Variants in PPP2CB observed in about 807,000 individuals in gnomAD.
PPP2CB encodes the protein serine/threonine-protein phosphatase 2A catalytic subunit beta isoform.
PPP2CB carries 18 observed loss-of-function variants against 39.1 expected under a neutral mutation model. The observed-to-expected ratio is 0.46, with a 90% CI of 0.32 to 0.68. PPP2CB has a LOEUF of 0.68. PPP2CB is among the 30% of genes least tolerant of loss of function. The pLI, the probability that PPP2CB is intolerant of heterozygous loss-of-function variation, is 0.04. For missense variants in PPP2CB, 226 were observed against 396.9 expected (o/e 0.57, Z 3.66); for synonymous variants, 129 against 133.8 (o/e 0.96, Z 0.25).
chr8:30,794,526 T>A (rs1806488280), intron 3 of PPP2CB: 1 of 417,928 alleles, frequency 2.4e-6, no homozygotes, highest in African/African-American at 2.1e-5. Flanking sequence ...GTCAATGGTA[T>A]CCCCATCCTT....
chr8:30,808,981 G>C (rs917663051), intron 1 of PPP2CB, among the ~76,000 whole-genome samples: 1 of 144,568 alleles, frequency 6.9e-6, no homozygotes, highest in African/African-American at 2.6e-5. Flanking sequence ...CTGGAGTGCA[G>C]CGGTATGATC....
chr8:30,811,477 A>G (rs1175282899), intron 1 of PPP2CB, among the ~76,000 whole-genome samples: 1 of 151,662 alleles, frequency 6.6e-6, no homozygotes, highest in African/African-American at 2.4e-5. Context: ...CTCCGCAAAC[A>G]AACGCTTGGC....
Position 30,788,079 on chromosome 8 carries a change from A to G in PPP2CB, c.858-1772T>C, listed in dbSNP as rs377100407. On this transcript the variant is annotated intron_variant, in intron 6 of 6. Transcript: ENST00000221138. The stretch of plus-strand genomic sequence containing the variant: ...TACTCCTTTTTTTCTTGGCCAGTCT[A>G]GTTAAGGCTTTTCAAAGCATCAACT... 1.3e-4 allele frequency among the ~76,000 whole-genome samples: 20 copies of G among 152,068 alleles called. No homozygotes were observed. The South Asian group carries it at 3.9e-3, about 30-fold the overall frequency.
rs1220508845 is a variant in PPP2CB at position 30,798,801 on chromosome 8, A to G, written c.312+745T>C. ...AGAATAAGTTTCCTCATAGTAATTTAGAGCAGAAGGAATAAGGCTAAAATG... is the reference window on the plus strand; with the variant it reads ...AGAATAAGTTTCCTCATAGTAATTTGGAGCAGAAGGAATAAGGCTAAAATG... On this transcript the variant is annotated intron_variant, in intron 2 of 6. Coordinates refer to ENST00000221138, the MANE Select transcript of PPP2CB (RefSeq NM_001009552.2). 2.0e-5 allele frequency among the ~76,000 whole-genome samples: 3 copies of G among 152,264 alleles called. No individual in the cohort carries two copies. In the East Asian group the frequency reaches 5.8e-4, roughly 29 times the overall value.
chr8:30,787,566 T>C (rs1030086136), intron 6 of PPP2CB, among the ~76,000 whole-genome samples: 6 of 152,186 alleles, frequency 3.9e-5, no homozygotes, highest in East Asian at 1.9e-4. Flanking sequence ...TCTTGAATCC[T>C]GGGCTCAATC....
At position 30,791,178 on chromosome 8, in the gene PPP2CB, A is replaced by C; in HGVS notation, c.857+19T>G. 1 of 1,500,244 alleles carries C rather than the reference A, an allele frequency of 6.7e-7. No homozygotes were observed. The highest frequency in any genetic ancestry group is 9.1e-7 in the Non-Finnish European group (1 of 1,094,478). The allele number at this position is 1,500,244 out of a possible 1,614,324, so 92.9% of individuals were successfully genotyped here. On this transcript the variant is annotated intron_variant, in intron 6 of 6. Coordinates refer to ENST00000221138, the MANE Select transcript of PPP2CB (RefSeq NM_001009552.2). The stretch of plus-strand genomic sequence containing the variant: ...TTTCCTTCTGAAAGTATATACAATT[A>C]AAATTTACAGTTACTCACAAGGAAT...
At chr8:30,806,124 T>G (rs1806721128) in intron 1 of PPP2CB, among the ~76,000 whole-genome samples, 1 of 150,972 alleles carries the variant, frequency 6.6e-6, no homozygotes, top group Non-Finnish European at 1.5e-5. Flanking sequence ...CTCGGCTCAC[T>G]GCAAGCTCTG....
At chr8:30,795,522 AT>A (rs1005500063) in intron 3 of PPP2CB, among the ~76,000 whole-genome samples, 4 of 151,862 alleles carry the variant, frequency 2.6e-5, no homozygotes, top group Non-Finnish European at 4.4e-5. Context: ...AAATATAGGA[AT>A]TTTTTTTCCA....
chr8:30,803,856 G>A (rs149622507), intron 1 of PPP2CB, among the ~76,000 whole-genome samples: 2,028 of 149,544 alleles, frequency 0.014, 44 homozygotes, highest in African/African-American at 0.048. Context: ...CTGCTCTGTC[G>A]TCCAGGCTGG....
intron 1 of PPP2CB, among the ~76,000 whole-genome samples, chr8:30,800,684 T>G (rs1405687103): frequency 6.6e-6 from 1 of 152,168 alleles, no homozygotes; most frequent in Non-Finnish European, 1.5e-5. Context: ...TTTAAAAGCC[T>G]CTGAAGTAAC....
At chr8:30,791,523 G>A in intron 5 of PPP2CB, 2 of 399,500 alleles carry the variant, frequency 5.0e-6, no homozygotes, top group Non-Finnish European at 8.8e-6. Flanking sequence ...GTTAAATGCA[G>A]CTCGCTAATT....
intron 4 of PPP2CB, 46 bp downstream of exon 4, chr8:30,794,146 G>A: frequency 6.2e-7 from 1 of 1,606,818 alleles, no homozygotes; most frequent in South Asian, 1.1e-5. Flanking sequence ...TCAAAATGTG[G>A]TTATATTTTC....
chr8:30,797,656 A>G lies in PPP2CB; in HGVS notation c.411T>C (p.Tyr137=), dbSNP rs1226613560. 2.5e-6 allele frequency: 4 copies of G among 1,613,812 alleles called. No homozygotes were observed. Among genetic ancestry groups the G allele is most frequent in the Non-Finnish European group, 2.5e-6 (3 of 1,179,848 alleles). ...YGFYDECLRK[Y]GNANVWKYFT... is the part of the protein sequence containing the mutation. The stretch of plus-strand genomic sequence containing the variant: ...AATATTTCCAAACGTTGGCATTCCC[A>G]TACTTTCGCAGACATTCATCATAAA... Residue 137 remains tyrosine, a synonymous_variant, in exon 3 of 7, where the codon TAT becomes TAC. Transcript: ENST00000221138.
At chr8:30,786,571 A>G (rs968455648) in intron 6 of PPP2CB, 9 of 222,186 alleles carry the variant, frequency 4.1e-5, no homozygotes, top group Non-Finnish European at 7.7e-5. Context: ...ATTATTATTT[A>G]AAAGCTTAAA....
At chr8:30,801,113 G>A (rs1012146327) in intron 1 of PPP2CB, among the ~76,000 whole-genome samples, 1 of 151,422 alleles carries the variant, frequency 6.6e-6, no homozygotes, top group African/African-American at 2.4e-5. Context: ...GGAGGGTGGG[G>A]TGGGGTGGGA....
At chr8:30,804,766 T>C (rs574354903) in intron 1 of PPP2CB, among the ~76,000 whole-genome samples, 30 of 152,338 alleles carry the variant, frequency 2.0e-4, no homozygotes, top group Admixed American at 9.8e-4. Context: ...ACTAAACTTT[T>C]GAAGATGGTG....
chr8:30,808,920 GC>G (rs1806771275), intron 1 of PPP2CB, among the ~76,000 whole-genome samples: 13 of 139,596 alleles, frequency 9.3e-5, no homozygotes, highest in Admixed American at 6.7e-4. Flanking sequence ...ACTTTACATG[GC>G]CTTTTTTTTT....
At chr8:30,805,470 G>A (rs1013050307) in intron 1 of PPP2CB, among the ~76,000 whole-genome samples, 1 of 152,118 alleles carries the variant, frequency 6.6e-6, no homozygotes, top group Admixed American at 6.6e-5. Flanking sequence ...TGGGGCAGGT[G>A]AATGGCATGA....
rs893547625 is a variant in PPP2CB at position 30,795,119 on chromosome 8, ATTTT to A, written c.487-842_487-839del. Reference sequence around the variant, plus strand: ...AACAAGCATTTTCTTTCTGATTTTGATTTTTTTTTTTTTTTTTTTTGAGACGGAG... The same window carrying A: ...AACAAGCATTTTCTTTCTGATTTTGATTTTTTTTTTTTTTTTGAGACGGAG... On this transcript the variant is annotated intron_variant, in intron 3 of 6. Transcript: ENST00000221138. Among the ~76,000 whole-genome samples the A allele has an allele frequency of 4.7e-5, 6 of 127,468 alleles. No individual in the cohort carries two copies. In the South Asian group the frequency reaches 1.3e-3, roughly 27 times the overall value. The allele number at this position is 127,468 out of a possible 152,430, so 83.6% of individuals were successfully genotyped here.
Sources: allele counts gnomAD v4.1 joint callset (sites outside exome capture counted in the v4.1 genomes callset), GRCh38; gene constraint gnomAD v4.1.1; transcripts MANE v1.5; gene names NCBI Gene and HGNC (gene_info 2026-07-23, HGNC 2026-07-21).